The following IL1RAPL2 variants were observed in gnomAD, a reference collection of about 807,000 sequenced individuals.
The protein encoded by IL1RAPL2 is interleukin 1 receptor accessory protein like 2, also known as X-linked interleukin-1 receptor accessory protein-like 2.
Under a neutral mutation model 44.1 loss-of-function variants are expected in IL1RAPL2, and 3 were observed. The ratio of observed to expected loss-of-function variants is 0.07; its 90% CI spans 0.03 to 0.18. IL1RAPL2 has a LOEUF of 0.18. Ranked by LOEUF, IL1RAPL2 falls within the 10% of genes least tolerant of loss-of-function variation. IL1RAPL2 has a pLI of 1.00. For synonymous variants in IL1RAPL2, 181 were observed against 178.8 expected, an observed-to-expected ratio of 1.01 and a Z score of -0.10; for missense variants, 391 against 496.4, an observed-to-expected ratio of 0.79 and a Z score of 2.02.
intron 5 of IL1RAPL2, among the ~76,000 whole-genome samples, chrX:105,317,444 A>G (rs1306134371): frequency 1.8e-5 from 2 of 112,103 alleles, no homozygotes; most frequent in Non-Finnish European, 3.8e-5. Context: ...ACAATATTTT[A>G]TCTGTATGTC....
chrX:105,318,255 G>C (rs1375925404), intron 5 of IL1RAPL2, among the ~76,000 whole-genome samples: 1 of 111,643 alleles, frequency 9.0e-6, no homozygotes, highest in Non-Finnish European at 1.9e-5. Flanking sequence ...TTACAGGCGT[G>C]AGCCACCGCG....
At chrX:105,151,297 C>G (rs143746092) in intron 2 of IL1RAPL2, among the ~76,000 whole-genome samples, 1,648 of 110,935 alleles carry the variant, frequency 0.015, 32 homozygotes, top group African/African-American at 0.05. Context: ...AAATTACTAC[C>G]ATGATTTTTT....
At chrX:105,352,364 T>C (rs6652921) in intron 5 of IL1RAPL2, among the ~76,000 whole-genome samples, 14,608 of 112,136 alleles carry the variant, frequency 0.13, 2,298 homozygotes, top group African/African-American at 0.45. Context: ...GGGAATGCTG[T>C]ATTACAAATG....
chrX:104,864,265 C>T (rs189914556), intron 2 of IL1RAPL2, among the ~76,000 whole-genome samples: 9 of 112,075 alleles, frequency 8.0e-5, no homozygotes, highest in Non-Finnish European at 1.5e-4. Flanking sequence ...AGTAAAAGAG[C>T]CCCTCAGGCT....
chrX:104,720,269 A>G (rs1388298396), intron 2 of IL1RAPL2, among the ~76,000 whole-genome samples: 1 of 111,779 alleles, frequency 8.9e-6, no homozygotes, highest in Non-Finnish European at 1.9e-5. Context: ...TGTCAGTGAT[A>G]CAATGGCATC....
chrX:104,605,995 A>C, intron 1 of IL1RAPL2, among the ~76,000 whole-genome samples: 1 of 111,734 alleles, frequency 8.9e-6, no homozygotes, highest in Non-Finnish European at 1.9e-5. Flanking sequence ...CTGATACCAA[A>C]ACCTGGCAGA....
intron 2 of IL1RAPL2, among the ~76,000 whole-genome samples, chrX:104,758,528 T>G (rs748253868): frequency 1.8e-5 from 2 of 111,315 alleles, no homozygotes; most frequent in Non-Finnish European, 3.8e-5. Flanking sequence ...CGTCAGTGTT[T>G]GGCTTGAGGA....
At position 104,977,857 on chromosome X, in the gene IL1RAPL2, AAGGGGT is replaced by A. The variant is rs1172774338; in HGVS notation, c.83-217615_83-217610del. Among the ~76,000 whole-genome samples, 3 of 112,220 alleles carry A rather than the reference AAGGGGT, an allele frequency of 2.7e-5. No homozygotes were observed. The Admixed American group carries it at 2.8e-4, about 11-fold the overall frequency. On this transcript the variant is annotated intron_variant, in intron 2 of 10. Coordinates refer to ENST00000372582, the MANE Select transcript of IL1RAPL2 (RefSeq NM_017416.2). ...ATCCACGTTTTATTATATGCAAATT[AAGGGGT>A]AGATTATGCAGAAATTTCTATAAAA... is the stretch of plus-strand genomic sequence containing the variant.
chrX:104,608,662 CTTTT>C (rs60105376), intron 1 of IL1RAPL2, among the ~76,000 whole-genome samples: 613 of 58,511 alleles, frequency 0.01, 4 homozygotes, highest in East Asian at 0.027. Flanking sequence ...GCAACCCCTG[CTTTT>C]TTTTTTTTTT....
chrX:104,913,799 C>T (rs1209955753), intron 2 of IL1RAPL2, among the ~76,000 whole-genome samples: 1 of 111,971 alleles, frequency 8.9e-6, no homozygotes, highest in Non-Finnish European at 1.9e-5. Flanking sequence ...ACATGCAAAA[C>T]AGTAACCACA....
intron 7 of IL1RAPL2, among the ~76,000 whole-genome samples, chrX:105,730,289 A>G (rs773826180): frequency 2.2e-4 from 24 of 111,299 alleles, no homozygotes; most frequent in African/African-American, 7.8e-4. Context: ...ATATAATGAT[A>G]AAGTGATCAA....
At chrX:104,622,291 A>G (rs778333111) in intron 1 of IL1RAPL2, among the ~76,000 whole-genome samples, 1 of 109,308 alleles carries the variant, frequency 9.1e-6, no homozygotes, top group Non-Finnish European at 1.9e-5. Flanking sequence ...TAATATTTTT[A>G]CAGAACGGCA....
chrX:105,688,803 C>T (rs1304629826), intron 6 of IL1RAPL2, among the ~76,000 whole-genome samples: 7 of 111,740 alleles, frequency 6.3e-5, no homozygotes, highest in Non-Finnish European at 1.1e-4. Context: ...GGAGGTATCA[C>T]GCTACCTGAC....
chrX:104,796,020 T>A (rs1418837962), intron 2 of IL1RAPL2, among the ~76,000 whole-genome samples: 1 of 112,262 alleles, frequency 8.9e-6, no homozygotes, highest in East Asian at 2.8e-4. Flanking sequence ...CAGCTATAGA[T>A]CTCACTTCCA....
intron 2 of IL1RAPL2, among the ~76,000 whole-genome samples, chrX:105,069,354 A>G (rs989479803): frequency 8.9e-5 from 10 of 112,835 alleles, no homozygotes; most frequent in African/African-American, 3.2e-4. Context: ...GCAAGCCTTC[A>G]TTTGGATTTG....
At chrX:104,604,976 C>T (rs1928975576) in intron 1 of IL1RAPL2, among the ~76,000 whole-genome samples, 1 of 111,551 alleles carries the variant, frequency 9.0e-6, no homozygotes, top group South Asian at 3.7e-4. Flanking sequence ...ACCTAATAGA[C>T]ATCTACAGAA....
intron 2 of IL1RAPL2, among the ~76,000 whole-genome samples, chrX:104,678,031 A>G (rs1181807748): frequency 5.3e-5 from 6 of 112,378 alleles, no homozygotes; most frequent in Admixed American, 1.9e-4. Context: ...GGTACCTCAG[A>G]TGGAAATGCA....
intron 2 of IL1RAPL2, among the ~76,000 whole-genome samples, chrX:105,115,824 G>A (rs2032852347): frequency 8.9e-6 from 1 of 112,947 alleles, no homozygotes. Context: ...GGGAGGCTCG[G>A]GCCGTGCAGG....
At position 104,838,311 on chromosome X, in the gene IL1RAPL2, T is replaced by C. The variant is rs767256724; in HGVS notation, c.82+179316T>C. Among the ~76,000 whole-genome samples, 5 of 112,074 alleles carry C rather than the reference T, an allele frequency of 4.5e-5. No homozygotes were observed. The East Asian group carries it at 1.1e-3, about 25-fold the overall frequency. ...AATAGCATTGAATCTATAAATTACT[T>C]TGGGCAGTATGGTCATTTTCACGAT... is the stretch of plus-strand genomic sequence containing the variant. On this transcript the variant is annotated intron_variant, in intron 2 of 10. Transcript: ENST00000372582.
Sources: gnomAD v4.1 joint callset for allele counts (sites outside exome capture counted in the v4.1 genomes callset) on GRCh38, gnomAD v4.1.1 for gene constraint, MANE v1.5 for transcripts, NCBI Gene and HGNC (gene_info 2026-07-23, HGNC 2026-07-21) for gene names.